Variants in AMZ1 observed in about 807,000 individuals in gnomAD.
The protein encoded by AMZ1 is archaelysin family metallopeptidase 1, also known as archaemetzincin-1.
Under a neutral mutation model 29.9 loss-of-function variants are expected in AMZ1, and 39 were observed. The observed-to-expected ratio is 1.30, with a 90% CI of 1.01 to 1.70. AMZ1 has a LOEUF of 1.70. Ranked by LOEUF, AMZ1 falls within the 40% of genes most tolerant of loss-of-function variation. The pLI, the probability that AMZ1 is intolerant of heterozygous loss-of-function variation, is 0.00. For missense variants in AMZ1, 1,041 were observed against 680.6 expected (o/e 1.53, Z -5.89); for synonymous variants, 458 against 304.0 (o/e 1.51, Z -5.27).
chr7:2,699,512 G>A (rs1056917944), intron 1 of AMZ1, among the ~76,000 whole-genome samples: 6 of 150,846 alleles, frequency 4.0e-5, no homozygotes, highest in Non-Finnish European at 7.4e-5. Flanking sequence ...TCTGCGTGCT[G>A]TTGGGGCTGC....
chr7:2,698,232 AAAC>A (rs1032109284), intron 1 of AMZ1, among the ~76,000 whole-genome samples: 12 of 152,126 alleles, frequency 7.9e-5, no homozygotes, highest in South Asian at 4.1e-4. Flanking sequence ...AAAAAAAACA[AAAC>A]AAAAAACAAG....
At chr7:2,735,262 C>T (rs1023083694) in intron 4 of AMZ1, among the ~76,000 whole-genome samples, 5 of 152,240 alleles carry the variant, frequency 3.3e-5, no homozygotes, top group African/African-American at 1.2e-4. Flanking sequence ...CACGGGCTCC[C>T]CCAGGGAGCT....
At chr7:2,710,253 G>A (rs1450808772) in intron 6 of AMZ1, among the ~76,000 whole-genome samples, 2 of 152,208 alleles carry the variant, frequency 1.3e-5, no homozygotes, top group Admixed American at 6.5e-5. Flanking sequence ...TGTTGGAGGT[G>A]GCCTCCATTC....
chr7:2,748,299 T>G (rs1790865548), intron 4 of AMZ1, among the ~76,000 whole-genome samples: 2 of 152,188 alleles, frequency 1.3e-5, no homozygotes, highest in Non-Finnish European at 2.9e-5. Flanking sequence ...ATGGTACTGG[T>G]ACCAAAACAG....
chr7:2,689,932 G>A (rs1015259895), intron 1 of AMZ1, among the ~76,000 whole-genome samples: 1 of 152,198 alleles, frequency 6.6e-6, no homozygotes. Flanking sequence ...TCTATGTGAG[G>A]AGTGGTCTTG....
intron 4 of AMZ1, among the ~76,000 whole-genome samples, chr7:2,726,975 G>C (rs1481922776): frequency 6.6e-6 from 1 of 152,208 alleles, no homozygotes; most frequent in Non-Finnish European, 1.5e-5. Context: ...TCTGATCTTG[G>C]AGAGCGAGGC....
Position 2,715,573 on chromosome 7 carries a change from C to G in AMZ1, c.*2695C>G, listed in dbSNP as rs1005347832. Reference sequence around the variant, plus strand: ...GCGTTTTGAAGTGGGAAGGAGCAAACCACTAAAAAAAACTCCTTTTATCCG... The same window carrying G: ...GCGTTTTGAAGTGGGAAGGAGCAAAGCACTAAAAAAAACTCCTTTTATCCG... On this transcript the variant is annotated 3_prime_UTR_variant, in exon 7 of 7. Coordinates refer to ENST00000683327, the MANE Select transcript of AMZ1 (RefSeq NM_001384743.1). The G allele has an allele frequency of 1.3e-5, 2 of 152,134 alleles. No individual in the cohort carries two copies. Among genetic ancestry groups the G allele is most frequent in the African/African-American group, 4.8e-5 (2 of 41,406 alleles). The allele number at this position is 152,134 out of a possible 1,614,324, so 9.4% of individuals were successfully genotyped here.
At chr7:2,733,885 G>C (rs1790028130) in intron 4 of AMZ1, among the ~76,000 whole-genome samples, 1 of 152,192 alleles carries the variant, frequency 6.6e-6, no homozygotes, top group African/African-American at 2.4e-5. Flanking sequence ...TGGCTCCTGG[G>C]TACAGTCTTG....
chr7:2,688,878 AG>A (rs1787214982), intron 1 of AMZ1, among the ~76,000 whole-genome samples: 1 of 152,168 alleles, frequency 6.6e-6, no homozygotes, highest in Non-Finnish European at 1.5e-5. Flanking sequence ...AAAGCAAGGG[AG>A]GGGTGACAGA....
chr7:2,730,816 A>G, intron 4 of AMZ1: 1 of 184,524 alleles, frequency 5.4e-6, no homozygotes, highest in Middle Eastern at 2.4e-3. Flanking sequence ...CTGTCATTAA[A>G]GACAGAGCGT....
At chr7:2,754,883 G>C (rs1374640869) in intron 4 of AMZ1, among the ~76,000 whole-genome samples, 1 of 152,210 alleles carries the variant, frequency 6.6e-6, no homozygotes, top group Non-Finnish European at 1.5e-5. Context: ...GCCCCAAGGA[G>C]TTTCTACTGT....
chr7:2,749,389 T>A (rs1038536973), intron 4 of AMZ1, among the ~76,000 whole-genome samples: 1 of 152,088 alleles, frequency 6.6e-6, no homozygotes, highest in Non-Finnish European at 1.5e-5. Flanking sequence ...GAAACCATCA[T>A]TGTCAGCAAA....
chr7:2,735,549 G>A (rs952582029), intron 4 of AMZ1, among the ~76,000 whole-genome samples: 8 of 152,190 alleles, frequency 5.3e-5, no homozygotes, highest in Non-Finnish European at 1.0e-4. Flanking sequence ...GAAAACAGGA[G>A]GGACGTTTCC....
rs1304203962 is a variant in AMZ1, at chr7:2,715,176, CGT to C, written c.*2299_*2300del. On this transcript the variant is annotated 3_prime_UTR_variant, in exon 7 of 7. Transcript: ENST00000683327. Reference sequence around the variant, plus strand: ...CCTAACTCGGCCTCACGTCACAGAGCGTCACCTTTCCTGCACTCCACGGCGGC... The same window carrying C: ...CCTAACTCGGCCTCACGTCACAGAGCCACCTTTCCTGCACTCCACGGCGGC... The C allele has an allele frequency of 1.3e-5, 2 of 152,280 alleles. No homozygotes were observed. The highest frequency in any genetic ancestry group is 2.9e-5 in the Non-Finnish European group (2 of 68,052). 9.4% of individuals were successfully genotyped at this position (152,280 alleles called of 1,614,324 possible).
chr7:2,704,456 C>G (rs1766171503), intron 3 of AMZ1, among the ~76,000 whole-genome samples: 1 of 148,772 alleles, frequency 6.7e-6, no homozygotes, highest in African/African-American at 2.5e-5. Flanking sequence ...CCCCTCTATC[C>G]TGGGTGACAG....
chr7:2,757,228 C>T (rs1015789855), intron 4 of AMZ1, among the ~76,000 whole-genome samples: 4 of 149,140 alleles, frequency 2.7e-5, no homozygotes, highest in Non-Finnish European at 5.9e-5. Flanking sequence ...CTCTGCCTCC[C>T]GGGTTCACGC....
intron 4 of AMZ1, among the ~76,000 whole-genome samples, chr7:2,754,579 CT>C (rs1232336235): frequency 6.1e-4 from 80 of 131,492 alleles, no homozygotes; most frequent in African/African-American, 2.0e-3. Flanking sequence ...CTCATCTCTA[CT>C]TTAAAAAAAA....
At chr7:2,688,004 T>TG (rs991399684), upstream of AMZ1, among the ~76,000 whole-genome samples, 11 of 147,512 alleles carry the variant, frequency 7.5e-5, no homozygotes, top group Non-Finnish European at 1.5e-4. Context: ...CTTTAGGCTC[T>TG]GGGGCCCCCC....
intron 4 of AMZ1, among the ~76,000 whole-genome samples, chr7:2,748,957 T>C (rs1052575110): frequency 6.6e-6 from 1 of 151,962 alleles, no homozygotes; most frequent in East Asian, 1.9e-4. Flanking sequence ...AAAACCACAA[T>C]GAGATGCCAT....
Sources: allele counts gnomAD v4.1 joint callset (sites outside exome capture counted in the v4.1 genomes callset), GRCh38; gene constraint gnomAD v4.1.1; transcripts MANE v1.5; gene names NCBI Gene and HGNC (gene_info 2026-07-23, HGNC 2026-07-21).